The following PCDHGA7 variants were observed in gnomAD, a reference collection of about 807,000 sequenced individuals.
The protein encoded by PCDHGA7 is protocadherin gamma-A7.
A neutral mutation model predicts 58.3 loss-of-function variants in PCDHGA7; 44 were observed. That is an observed-to-expected ratio of 0.75 (90% CI 0.59 to 0.97). The LOEUF is 0.97. Among genes scored for constraint, PCDHGA7 ranks in the 50% least tolerant of loss-of-function variants. The probability of loss-of-function intolerance (pLI) is 0.00; values close to 1 mark genes in which losing one functional copy is unlikely to be tolerated. For missense variants in PCDHGA7, 1,266 were observed against 1,188.7 expected (o/e 1.06, Z -0.96); for synonymous variants, 516 against 504.2 (o/e 1.02, Z -0.31).
At chr5:141,388,781 T>C (rs770000046) in intron 1 of PCDHGA7, 3 of 1,613,832 alleles carry the variant, frequency 1.9e-6, no homozygotes, top group Non-Finnish European at 2.5e-6. Flanking sequence ...CCGGGGAAAT[T>C]ACTGTTTTAA....
chr5:141,501,836 T>G (rs2099811283), intron 2 of PCDHGA7, among the ~76,000 whole-genome samples: 1 of 152,136 alleles, frequency 6.6e-6, no homozygotes, highest in Non-Finnish European at 1.5e-5. Context: ...CCCACCTGTT[T>G]GGCCCTCAAC....
At chr5:141,390,424 T>C (rs1175804708) in intron 1 of PCDHGA7, 23 of 1,041,938 alleles carry the variant, frequency 2.2e-5, no homozygotes, top group Non-Finnish European at 3.0e-5. Flanking sequence ...GTTAAAAAGC[T>C]GTCATATCAT....
In PCDHGA7 at chr5:141,385,154, C is replaced by G. The variant is rs761681846; in HGVS notation, c.2255C>G (p.Thr752Ser). ...GACGGGGTGCAGGCTTTCCTGCAGA[C>G]CTATTCCCATGAGGTCTCCCTCACC... Reference protein sequence around the residue: ...GMDGVQAFLQTYSHEVSLTAD... With the variant: ...GMDGVQAFLQSYSHEVSLTAD... Residue 752 changes from threonine to serine, a missense_variant, in exon 1 of 4, where the codon ACC becomes AGC. By Grantham distance (58) the Thr-to-Ser change is moderately conservative. Transcript: ENST00000518325. 6.2e-7 allele frequency: 1 copy of G among 1,614,208 alleles called. No individual in the cohort carries two copies. Among genetic ancestry groups the G allele is most frequent in the Non-Finnish European group, 8.5e-7 (1 of 1,180,042 alleles).
At chr5:141,421,000 A>G (rs2096537102) in intron 1 of PCDHGA7, 1 of 507,878 alleles carries the variant, frequency 2.0e-6, no homozygotes, top group East Asian at 3.3e-5. Flanking sequence ...CTGCTCACCA[A>G]TCAGGGAATG....
chr5:141,405,359 G>A, intron 1 of PCDHGA7: 2 of 1,614,018 alleles, frequency 1.2e-6, no homozygotes, highest in Non-Finnish European at 1.7e-6. Context: ...TCCTATAGAA[G>A]ACACCCCTTT....
chr5:141,419,037 A>G, intron 1 of PCDHGA7: 1 of 1,613,972 alleles, frequency 6.2e-7, no homozygotes, highest in Middle Eastern at 1.6e-4. Flanking sequence ...GTTCCATTTA[A>G]GATTCATTCT....
At chr5:141,398,829 C>A in intron 1 of PCDHGA7, 2 of 1,613,994 alleles carry the variant, frequency 1.2e-6, no homozygotes, top group East Asian at 2.2e-5. Flanking sequence ...AGGTAACCGA[C>A]GCCAATGATA....
At chr5:141,509,040 C>G (rs1217864661) in intron 3 of PCDHGA7, among the ~76,000 whole-genome samples, 1 of 152,132 alleles carries the variant, frequency 6.6e-6, no homozygotes, top group Non-Finnish European at 1.5e-5. Context: ...CAACCCCTCT[C>G]CCCCGCCCCC....
intron 1 of PCDHGA7, among the ~76,000 whole-genome samples, chr5:141,425,699 G>A (rs535043616): frequency 6.6e-6 from 1 of 152,260 alleles, no homozygotes; most frequent in Non-Finnish European, 1.5e-5. Context: ...ATTTCATAGT[G>A]GTCAAAATTT....
At chr5:141,437,096 C>T (rs989863634) in intron 1 of PCDHGA7, among the ~76,000 whole-genome samples, 6 of 152,122 alleles carry the variant, frequency 3.9e-5, no homozygotes, top group Non-Finnish European at 8.8e-5. Context: ...AAACTAACGG[C>T]TTAGCTTTAG....
rs765373675 is a variant in PCDHGA7 at position 141,384,711 on chromosome 5, G to T, written c.1812G>T (p.Leu604=). Residue 604 remains leucine, a synonymous_variant, in exon 1 of 4, where the codon CTG becomes CTT. Coordinates refer to ENST00000518325, the MANE Select transcript of PCDHGA7 (RefSeq NM_018920.4). ...VDKDSGQNAW[L]SYLLLKASEP... is the part of the protein sequence containing the mutation. ...AAGATTCAGGCCAGAACGCCTGGCT[G>T]TCATACCTCCTGCTTAAGGCCAGCG... 4 of 1,614,160 alleles carry T rather than the reference G, an allele frequency of 2.5e-6. No homozygotes were observed. The highest frequency in any genetic ancestry group is 3.4e-6 in the Non-Finnish European group (4 of 1,180,050).
At chr5:141,469,674 A>G (rs532726373) in intron 1 of PCDHGA7, among the ~76,000 whole-genome samples, 23 of 152,380 alleles carry the variant, frequency 1.5e-4, no homozygotes, top group Non-Finnish European at 2.2e-4. Flanking sequence ...TAATAAAACT[A>G]CATATGCATT....
At chr5:141,391,240 T>C (rs1388357484) in intron 1 of PCDHGA7, 1 of 152,150 alleles carries the variant, frequency 6.6e-6, no homozygotes, top group Non-Finnish European at 1.5e-5. Flanking sequence ...GCTAGGTATA[T>C]CTAAGCAACT....
In PCDHGA7 at chr5:141,388,566, A is replaced by T. The variant is rs145399301; in HGVS notation, c.2424+3243A>T. ...TCCACCCCTAAGCAGCACTGCACAGATACACGTTCTAGTGACTGATGCCAA... is the reference window on the plus strand; with the variant it reads ...TCCACCCCTAAGCAGCACTGCACAGTTACACGTTCTAGTGACTGATGCCAA... On this transcript the variant is annotated intron_variant, in intron 1 of 3. Transcript: ENST00000518325. 134 of 1,613,852 alleles carry T rather than the reference A, an allele frequency of 8.3e-5. No homozygotes were observed. The East Asian group carries it at 2.4e-3, about 29-fold the overall frequency.
At chr5:141,450,627 C>G (rs947866993) in intron 1 of PCDHGA7, among the ~76,000 whole-genome samples, 1 of 151,592 alleles carries the variant, frequency 6.6e-6, no homozygotes, top group African/African-American at 2.4e-5. Context: ...GCTGGGATTA[C>G]AGATGCCTGC....
intron 1 of PCDHGA7, among the ~76,000 whole-genome samples, chr5:141,450,005 T>A (rs1439257597): frequency 1.0e-5 from 1 of 99,604 alleles, no homozygotes; most frequent in Non-Finnish European, 1.8e-5. Context: ...TTGCCATGTC[T>A]CTTTTTTTTT....
At chr5:141,467,728 C>A (rs2099150053) in intron 1 of PCDHGA7, among the ~76,000 whole-genome samples, 1 of 152,058 alleles carries the variant, frequency 6.6e-6, no homozygotes, top group Admixed American at 6.5e-5. Context: ...GTGGCACAAT[C>A]CCAGCTCGCT....
chr5:141,392,692 C>T, intron 1 of PCDHGA7: 11 of 1,148,308 alleles, frequency 9.6e-6, no homozygotes, highest in Non-Finnish European at 1.3e-5. Flanking sequence ...CGAAACCCGA[C>T]CCCTGTTTGG....
chr5:141,419,137 CA>C (rs1561778370), intron 1 of PCDHGA7: 1 of 1,613,892 alleles, frequency 6.2e-7, no homozygotes, highest in African/African-American at 1.3e-5. Flanking sequence ...CAGCCACAGA[CA>C]GGGGCAAGCC....
Sources: allele counts gnomAD v4.1 joint callset (sites outside exome capture counted in the v4.1 genomes callset), GRCh38; gene constraint gnomAD v4.1.1; transcripts MANE v1.5; gene names NCBI Gene and HGNC (gene_info 2026-07-23, HGNC 2026-07-21).